SORCS3: variants seen among roughly 807,000 people sequenced by gnomAD.
The protein encoded by SORCS3 is VPS10 domain-containing receptor SorCS3.
Under a neutral mutation model 146.3 loss-of-function variants are expected in SORCS3, and 57 were observed. That is an observed-to-expected ratio of 0.39 (90% CI 0.31 to 0.49). The LOEUF (loss-of-function observed/expected upper bound fraction) is 0.49, where lower values mean the gene tolerates loss of function less well. Among genes scored for constraint, SORCS3 ranks in the 20% least tolerant of loss-of-function variants. The pLI is 0.92. For synonymous variants in SORCS3, 653 were observed against 618.5 expected, an observed-to-expected ratio of 1.06 and a Z score of -0.83; for missense variants, 1,341 against 1,575.5, an observed-to-expected ratio of 0.85 and a Z score of 2.52.
At chr10:104,701,524 A>G (rs1411944095) in intron 1 of SORCS3, among the ~76,000 whole-genome samples, 2 of 152,200 alleles carry the variant, frequency 1.3e-5, no homozygotes, top group Non-Finnish European at 2.9e-5. Flanking sequence ...GGTGAGCCCA[A>G]CGGATCGTAG....
At chr10:105,143,271 G>A (rs1024477349) in intron 8 of SORCS3, among the ~76,000 whole-genome samples, 2 of 151,850 alleles carry the variant, frequency 1.3e-5, no homozygotes, top group Admixed American at 6.6e-5. Context: ...TGTTTTTGTG[G>A]ATCCCCTTCT....
At chr10:104,991,248 C>T (rs560486815) in intron 4 of SORCS3, among the ~76,000 whole-genome samples, 2 of 152,182 alleles carry the variant, frequency 1.3e-5, no homozygotes, top group East Asian at 3.9e-4. Flanking sequence ...AGCAAAGTAC[C>T]ACAGACTGAG....
chr10:104,865,641 A>C (rs2018451315), intron 2 of SORCS3, among the ~76,000 whole-genome samples: 1 of 152,222 alleles, frequency 6.6e-6, no homozygotes, highest in Admixed American at 6.5e-5. Context: ...AGCATAGAGA[A>C]GTAGGAAAGT....
In SORCS3 at chr10:105,147,534, T is replaced by C. The variant is rs569309536; in HGVS notation, c.1303-83T>C. On this transcript the variant is annotated intron_variant, in intron 8 of 26. Coordinates refer to ENST00000369701, the MANE Select transcript of SORCS3 (RefSeq NM_014978.3). ...CTCAAGCTTTTTCTCAGCAATTTCA[T>C]AAGTCATAGTAATTACTTGGCATCC... 247 of 1,227,882 alleles carry C rather than the reference T, an allele frequency of 2.0e-4. No homozygotes were observed. In the African/African-American group the frequency reaches 3.4e-3, roughly 17 times the overall value. The allele number at this position is 1,227,882 out of a possible 1,614,324, so 76.1% of individuals were successfully genotyped here. A position where few individuals can be genotyped will look rare whatever the true frequency, so the allele number is the denominator to read the frequency against.
At chr10:104,666,545 C>T (rs2133253403) in intron 1 of SORCS3, among the ~76,000 whole-genome samples, 3 of 152,252 alleles carry the variant, frequency 2.0e-5, no homozygotes, top group Middle Eastern at 6.8e-3. Flanking sequence ...AGACCTGGGA[C>T]CTTTTGTTCC....
intron 3 of SORCS3, among the ~76,000 whole-genome samples, chr10:104,924,235 G>T (rs2019116469): frequency 6.6e-6 from 1 of 152,156 alleles, no homozygotes; most frequent in Non-Finnish European, 1.5e-5. Context: ...ACTTGTCTGA[G>T]GTCATAGAGT....
intron 2 of SORCS3, among the ~76,000 whole-genome samples, chr10:104,880,216 A>G (rs948924353): frequency 3.3e-5 from 5 of 152,214 alleles, no homozygotes; most frequent in Admixed American, 3.3e-4. Context: ...AATAAAACGT[A>G]ATGAGAATTG....
intron 1 of SORCS3, among the ~76,000 whole-genome samples, chr10:104,712,110 A>G (rs573660163): frequency 1.2e-3 from 176 of 152,332 alleles, no homozygotes; most frequent in African/African-American, 3.1e-3. Flanking sequence ...AAGTAGCAAC[A>G]AATAATTTGG....
At chr10:105,079,621 A>C (rs1367397288) in intron 5 of SORCS3, among the ~76,000 whole-genome samples, 1 of 152,100 alleles carries the variant, frequency 6.6e-6, no homozygotes, top group African/African-American at 2.4e-5. Context: ...GTTGTTTTAT[A>C]GGTAAACTCA....
chr10:105,155,193 G>T (rs1381641984), intron 9 of SORCS3, among the ~76,000 whole-genome samples: 2 of 152,162 alleles, frequency 1.3e-5, no homozygotes, highest in Non-Finnish European at 2.9e-5. Context: ...ACATGGTAAT[G>T]GTAATGGTAA....
intron 1 of SORCS3, among the ~76,000 whole-genome samples, chr10:104,697,276 C>T (rs142216664): frequency 2.4e-4 from 36 of 152,212 alleles, no homozygotes; most frequent in African/African-American, 6.5e-4. Flanking sequence ...AACATATGAC[C>T]GTGACTTCCA....
intron 1 of SORCS3, among the ~76,000 whole-genome samples, chr10:104,645,458 A>C (rs2015482644): frequency 6.6e-6 from 1 of 152,120 alleles, no homozygotes; most frequent in African/African-American, 2.4e-5. Flanking sequence ...TCTTGGATTA[A>C]CCCTTCATGG....
intron 1 of SORCS3, among the ~76,000 whole-genome samples, chr10:104,687,453 G>T (rs769432412): frequency 3.9e-5 from 6 of 152,124 alleles, no homozygotes; most frequent in Non-Finnish European, 8.8e-5. Context: ...TCTAAAATGA[G>T]ACAACCCCAC....
intron 5 of SORCS3, among the ~76,000 whole-genome samples, chr10:105,058,370 TCTTAACATTG>T (rs2055460173): frequency 6.6e-6 from 1 of 152,198 alleles, no homozygotes; most frequent in African/African-American, 2.4e-5. Context: ...TCCTAACATT[TCTTAACATTG>T]CTATCTTCAT....
intron 1 of SORCS3, chr10:104,664,916 C>T (rs2015750581): frequency 6.6e-6 from 1 of 152,352 alleles, no homozygotes; most frequent in African/African-American, 2.4e-5. Flanking sequence ...CCAGATCTTA[C>T]AGTGAAGGGG....
At chr10:105,054,655 G>A (rs765819072) in intron 5 of SORCS3, among the ~76,000 whole-genome samples, 18 of 151,296 alleles carry the variant, frequency 1.2e-4, no homozygotes, top group Admixed American at 2.0e-4. Flanking sequence ...TTCCTCTGAC[G>A]GTTTTTTACA....
In SORCS3 at chr10:104,641,656, C is replaced by G; in HGVS notation, c.329C>G (p.Pro110Arg). ...EMQVEAGGTS[P>R]AGERRGRGIP... Reference sequence around the variant, plus strand: ...CAGGTGGAAGCCGGAGGGACATCACCGGCAGGCGAGCGGCGGGGCCGGGGC... The same window carrying G: ...CAGGTGGAAGCCGGAGGGACATCACGGGCAGGCGAGCGGCGGGGCCGGGGC... Residue 110 changes from proline (P) to arginine (R), a missense_variant, in exon 1 of 27, where the codon CCG becomes CGG. Coordinates refer to ENST00000369701, the MANE Select transcript of SORCS3 (RefSeq NM_014978.3). This position sits in a 1 kb window ranked among gnomAD's most constrained non-coding sequence, Gnocchi z 6.4. The G allele has an allele frequency of 6.5e-7, 1 of 1,527,712 alleles. No homozygotes were observed. The highest frequency in any genetic ancestry group is 8.8e-7 in the Non-Finnish European group (1 of 1,142,146). 94.6% of individuals were successfully genotyped at this position (1,527,712 alleles called of 1,614,324 possible). A position where few individuals can be genotyped will look rare whatever the true frequency, so the allele number is the denominator to read the frequency against.
intron 3 of SORCS3, among the ~76,000 whole-genome samples, chr10:104,930,430 T>C (rs532632136): frequency 1.3e-5 from 2 of 152,274 alleles, no homozygotes; most frequent in East Asian, 3.9e-4. Context: ...TATAAATCCA[T>C]GAAAAGGAAT....
At chr10:105,031,315 CAACACACACACACACA>C (rs1343686878) in intron 4 of SORCS3, among the ~76,000 whole-genome samples, 25 of 125,970 alleles carry the variant, frequency 2.0e-4, no homozygotes, top group Non-Finnish European at 2.7e-4. Flanking sequence ...AACAAACAAA[CAACACACACACACACA>C]AACACACACA....
Sources: gnomAD v4.1 joint callset for allele counts (sites outside exome capture counted in the v4.1 genomes callset) on GRCh38, gnomAD v4.1.1 for gene constraint, Gnocchi (gnomAD v3.1) non-coding constraint, MANE v1.5 for transcripts, NCBI Gene and HGNC (gene_info 2026-07-23, HGNC 2026-07-21) for gene names.